AKAP6: variants seen among roughly 807,000 people sequenced by gnomAD.
AKAP6 encodes the protein A-kinase anchor protein 6.
Under a neutral mutation model 188.5 loss-of-function variants are expected in AKAP6, and 58 were observed. The ratio of observed to expected loss-of-function variants is 0.31; its 90% CI spans 0.25 to 0.38. AKAP6 has a LOEUF of 0.38. Ranked by LOEUF, AKAP6 falls within the 10% of genes least tolerant of loss-of-function variation. AKAP6 has a pLI of 1.00. For missense variants in AKAP6, 2,710 were observed against 2,740.0 expected, an observed-to-expected ratio of 0.99 and a Z score of 0.24; for synonymous variants, 989 against 998.6, an observed-to-expected ratio of 0.99 and a Z score of 0.18.
chr14:32,768,051 GA>G (rs1045034707), intron 11 of AKAP6, among the ~76,000 whole-genome samples: 2 of 152,126 alleles, frequency 1.3e-5, no homozygotes, highest in Non-Finnish European at 1.5e-5. Context: ...ATTCCATAAT[GA>G]AAAGTATAAA....
chr14:32,510,424 ACATATATATATGTG>A (rs1566546605), intron 2 of AKAP6, among the ~76,000 whole-genome samples: 3 of 83,702 alleles, frequency 3.6e-5, no homozygotes, highest in African/African-American at 1.7e-4. Flanking sequence ...GTATATATAT[ACATATATATATGTG>A]TATATATATA....
intron 9 of AKAP6, among the ~76,000 whole-genome samples, chr14:32,723,364 T>C (rs1244188592): frequency 6.6e-6 from 1 of 152,134 alleles, no homozygotes; most frequent in East Asian, 1.9e-4. Flanking sequence ...TTCTCCTTCT[T>C]AGATTTAACT....
rs547359639 is a variant in AKAP6, at chr14:32,409,976, T to C, written c.-34-23484T>C. On this transcript the variant is annotated intron_variant, in intron 1 of 13. Transcript: ENST00000280979. ...TCATCAGAGGGGTTTTATTTAACCC[T>C]GTGTAACGTGGCCTGCTTTCCAACT... is the stretch of plus-strand genomic sequence containing the variant. Among the ~76,000 whole-genome samples the C allele has an allele frequency of 3.9e-5, 6 of 152,304 alleles. No homozygotes were observed. The East Asian group carries it at 1.2e-3, about 29-fold the overall frequency.
intron 12 of AKAP6, among the ~76,000 whole-genome samples, chr14:32,806,143 A>G (rs1458071365): frequency 2.0e-5 from 3 of 152,212 alleles, no homozygotes; most frequent in Admixed American, 1.3e-4. Flanking sequence ...TGCCTGCCAT[A>G]TGCTCAGCAT....
intron 8 of AKAP6, among the ~76,000 whole-genome samples, 200 bp from the exon 9 acceptor site, chr14:32,695,790 G>A (rs1890377956): frequency 6.6e-6 from 1 of 152,226 alleles, no homozygotes; most frequent in Middle Eastern, 3.4e-3. Flanking sequence ...TGCATATTAC[G>A]TTTTCACAAT....
At chr14:32,702,923 G>A (rs1412641488) in intron 9 of AKAP6, among the ~76,000 whole-genome samples, 2 of 152,100 alleles carry the variant, frequency 1.3e-5, no homozygotes, top group African/African-American at 4.8e-5. Flanking sequence ...AACAGGGCTG[G>A]CTCAGGACTC....
chr14:32,558,078 A>G (rs1041497552), intron 4 of AKAP6, among the ~76,000 whole-genome samples: 22 of 152,226 alleles, frequency 1.4e-4, no homozygotes, highest in African/African-American at 4.8e-4. Context: ...AAAGAAAACT[A>G]GGATTTAGTT....
intron 7 of AKAP6, among the ~76,000 whole-genome samples, chr14:32,620,240 T>G (rs1886758246): frequency 6.6e-6 from 1 of 152,166 alleles, no homozygotes; most frequent in Non-Finnish European, 1.5e-5. Context: ...TTTGTCTTGC[T>G]CCAGTTCCCA....
intron 11 of AKAP6, among the ~76,000 whole-genome samples, chr14:32,764,398 A>G (rs2032639246): frequency 6.6e-6 from 1 of 152,054 alleles, no homozygotes; most frequent in Admixed American, 6.5e-5. Context: ...AAAAGGTTCA[A>G]TCTCCTTCCC....
At chr14:32,687,400 A>ATCTC (rs71115092) in intron 8 of AKAP6, among the ~76,000 whole-genome samples, 2,901 of 128,852 alleles carry the variant, frequency 0.023, 33 homozygotes, top group Middle Eastern at 0.034. Flanking sequence ...CATACTAACT[A>ATCTC]TCTCTCTCTC....
intron 7 of AKAP6, among the ~76,000 whole-genome samples, chr14:32,652,468 G>A (rs925789428): frequency 2.0e-5 from 3 of 152,090 alleles, no homozygotes; most frequent in African/African-American, 7.2e-5. Flanking sequence ...CAGAATATCA[G>A]GGAGCTGGAT....
Position 32,488,838 on chromosome 14 carries a change from C to T in AKAP6, c.325-46716C>T, listed in dbSNP as rs150685720. Among the ~76,000 whole-genome samples the T allele has an allele frequency of 1.6e-4, 25 of 152,276 alleles. No homozygotes were observed. The East Asian group carries it at 3.9e-3, about 24-fold the overall frequency. On this transcript the variant is annotated intron_variant, in intron 2 of 13. Transcript: ENST00000280979. ...TGCTTCTGCTCCCCTTGGTGGGCTA[C>T]ACCCACTGTCTAACCAGTCCCAACG...
At chr14:32,782,886 T>C (rs1015924118) in intron 12 of AKAP6, among the ~76,000 whole-genome samples, 10 of 151,906 alleles carry the variant, frequency 6.6e-5, no homozygotes, top group Non-Finnish European at 1.0e-4. Context: ...TTTTTTTTTT[T>C]CGTAAAAATT....
At chr14:32,416,453 CA>C in intron 1 of AKAP6, among the ~76,000 whole-genome samples, 1 of 152,106 alleles carries the variant, frequency 6.6e-6, no homozygotes. Context: ...CAGATATATG[CA>C]AATATTCTTT....
intron 2 of AKAP6, among the ~76,000 whole-genome samples, chr14:32,531,277 G>A (rs1434399708): frequency 6.6e-6 from 1 of 152,170 alleles, no homozygotes; most frequent in Non-Finnish European, 1.5e-5. Flanking sequence ...CTCACTTTGA[G>A]ATGGGCTTCT....
At position 32,701,621 on chromosome 14, in the gene AKAP6, T is replaced by C. The variant is rs188437359; in HGVS notation, c.3000+5511T>C. 1.1e-4 allele frequency among the ~76,000 whole-genome samples: 16 copies of C among 152,256 alleles called. No individual in the cohort carries two copies. The East Asian group carries it at 3.1e-3, about 29-fold the overall frequency. ...AGAGTACAAGAAGAAGTATGGAACATAGTTGACTTGCTATTTTATAACTAT... is the reference window on the plus strand; with the variant it reads ...AGAGTACAAGAAGAAGTATGGAACACAGTTGACTTGCTATTTTATAACTAT... On this transcript the variant is annotated intron_variant, in intron 9 of 13. Coordinates refer to ENST00000280979, the MANE Select transcript of AKAP6 (RefSeq NM_004274.5).
At chr14:32,336,704 C>G (rs1455208252) in intron 1 of AKAP6, among the ~76,000 whole-genome samples, 1 of 152,158 alleles carries the variant, frequency 6.6e-6, no homozygotes, top group African/African-American at 2.4e-5. Context: ...AAGTGTTTGT[C>G]TAATAACTCA....
At chr14:32,449,069 C>CTT (rs1890847058) in intron 2 of AKAP6, among the ~76,000 whole-genome samples, 1 of 152,134 alleles carries the variant, frequency 6.6e-6, no homozygotes, top group Non-Finnish European at 1.5e-5. Flanking sequence ...CAGGAGAGAT[C>CTT]ATCACCCTGA....
rs183454701 is a variant in AKAP6, at chr14:32,584,093, G to C, written c.2469+6851G>C. Among the ~76,000 whole-genome samples the C allele has an allele frequency of 3.9e-3, 594 of 152,320 alleles. 2 individuals carry two copies. Among genetic ancestry groups the C allele is most frequent in the African/African-American group, 0.013 (557 of 41,572 alleles). On this transcript the variant is annotated intron_variant, in intron 5 of 13. Coordinates refer to ENST00000280979, the MANE Select transcript of AKAP6 (RefSeq NM_004274.5). ...TCACTCACGCTGGGAGCTGTAGACC[G>C]GAGCTGTTCCTATTTGGCCATCTTG... is the stretch of plus-strand genomic sequence containing the variant.
Sources: gnomAD v4.1 joint callset for allele counts (sites outside exome capture counted in the v4.1 genomes callset) on GRCh38, gnomAD v4.1.1 for gene constraint, MANE v1.5 for transcripts, NCBI Gene and HGNC (gene_info 2026-07-23, HGNC 2026-07-21) for gene names.